The following EGLN1 variants were observed in gnomAD, a reference collection of about 807,000 sequenced individuals.
The protein encoded by EGLN1 is egl-9 family hypoxia inducible factor 1.
Under a neutral mutation model 38.3 loss-of-function variants are expected in EGLN1, and 17 were observed. The ratio of observed to expected loss-of-function variants is 0.44; its 90% confidence interval spans 0.30 to 0.67. EGLN1 has a LOEUF of 0.67. Ranked by LOEUF, EGLN1 falls within the 30% of genes least tolerant of loss-of-function variation. The pLI, the probability that EGLN1 is intolerant of heterozygous loss-of-function variation, is 0.08. For synonymous variants in EGLN1, 283 were observed against 257.5 expected (o/e 1.10, Z -0.95); for missense variants, 477 against 603.3 (o/e 0.79, Z 2.19).
intron 1 of EGLN1, among the ~76,000 whole-genome samples, chr1:231,398,483 T>C (rs938448121): frequency 2.6e-5 from 4 of 152,180 alleles, no homozygotes; most frequent in Non-Finnish European, 5.9e-5. Flanking sequence ...TTTTTGTAAA[T>C]AAAGTTTTAT....
chr1:231,415,092 G>A (rs1269870699), intron 1 of EGLN1, among the ~76,000 whole-genome samples: 3 of 151,886 alleles, frequency 2.0e-5, no homozygotes, highest in South Asian at 2.1e-4. Context: ...ACAACATAAC[G>A]AGATCCCGTC....
chr1:231,417,941 C>T (rs1318305366), intron 1 of EGLN1, among the ~76,000 whole-genome samples: 1 of 152,098 alleles, frequency 6.6e-6, no homozygotes, highest in African/African-American at 2.4e-5. Flanking sequence ...AATTTAAGTC[C>T]TAATATGCTG....
intron 1 of EGLN1, among the ~76,000 whole-genome samples, chr1:231,383,055 C>A (rs898156334): frequency 2.2e-5 from 1 of 45,284 alleles, no homozygotes; most frequent in Non-Finnish European, 3.9e-5. Context: ...GAAACTCTGT[C>A]TCAAAAAAAA....
chr1:231,366,485 A>G lies in EGLN1; in HGVS notation c.1217-10T>C. 2 of 1,056,118 alleles carry G rather than the reference A, an allele frequency of 1.9e-6. No homozygotes were observed. The highest frequency in any genetic ancestry group is 2.7e-5 in the Admixed American group (1 of 37,002). 65.4% of individuals were successfully genotyped at this position (1,056,118 alleles called of 1,614,324 possible). On this transcript the variant is annotated splice_polypyrimidine_tract_variant and intron_variant, in intron 4 of 4. Coordinates refer to ENST00000366641, the MANE Select transcript of EGLN1 (RefSeq NM_022051.3). ...CTCACACCTTTTTCACCTGCAAGGT[A>G]AAAAAAAAAAAAATTTTCATTCATT...
At chr1:231,417,918 G>C (rs1689126778) in intron 1 of EGLN1, among the ~76,000 whole-genome samples, 1 of 152,158 alleles carries the variant, frequency 6.6e-6, no homozygotes, top group South Asian at 2.1e-4. Context: ...CAGATTCTTA[G>C]TCAGAAAACC....
intron 1 of EGLN1, among the ~76,000 whole-genome samples, chr1:231,419,208 T>A (rs1388771831): frequency 6.6e-6 from 1 of 152,166 alleles, no homozygotes; most frequent in Non-Finnish European, 1.5e-5. Flanking sequence ...GTTACGTGAC[T>A]TAAAACCCCA....
chr1:231,384,494 C>A (rs2790889), intron 1 of EGLN1, among the ~76,000 whole-genome samples: 82,717 of 151,588 alleles, frequency 0.55, 24,175 homozygotes, highest in Middle Eastern at 0.66. Context: ...GAGAAGTTGA[C>A]ATTTAAGAAG....
intron 1 of EGLN1, among the ~76,000 whole-genome samples, chr1:231,407,239 C>T (rs1688823265): frequency 6.6e-6 from 1 of 152,130 alleles, no homozygotes; most frequent in Non-Finnish European, 1.5e-5. Flanking sequence ...AAAGCAACTG[C>T]TTCTCCCACG....
intron 1 of EGLN1, among the ~76,000 whole-genome samples, chr1:231,407,922 C>A (rs1688837136): frequency 6.6e-6 from 1 of 152,032 alleles, no homozygotes; most frequent in African/African-American, 2.4e-5. Context: ...AAAAGTCCCA[C>A]TACAGTTTTA....
At chr1:231,420,848 G>C (rs1243333387) in intron 1 of EGLN1, 150 bp downstream of exon 1, 4 of 1,496,928 alleles carry the variant, frequency 2.7e-6, no homozygotes, top group Non-Finnish European at 3.7e-6. Flanking sequence ...TACAAATTCT[G>C]TCCGTCTTCC....
chr1:231,399,185 G>A (rs1420914201), intron 1 of EGLN1, among the ~76,000 whole-genome samples: 2 of 152,236 alleles, frequency 1.3e-5, no homozygotes, highest in East Asian at 3.9e-4. Flanking sequence ...AAGACAGCAG[G>A]AGCAGCAGAT....
intron 1 of EGLN1, among the ~76,000 whole-genome samples, chr1:231,395,783 G>C (rs770042772): frequency 2.0e-5 from 3 of 152,162 alleles, no homozygotes; most frequent in Non-Finnish European, 2.9e-5. Context: ...CATTGCTTGG[G>C]AGGTTGTTGG....
At chr1:231,394,426 T>C (rs543436418) in intron 1 of EGLN1, among the ~76,000 whole-genome samples, 5 of 150,276 alleles carry the variant, frequency 3.3e-5, no homozygotes, top group African/African-American at 1.2e-4. Context: ...TTGCCCAGGT[T>C]GGAGTGCAGT....
intron 1 of EGLN1, among the ~76,000 whole-genome samples, chr1:231,387,581 G>A (rs1047127844): frequency 6.6e-6 from 1 of 152,010 alleles, no homozygotes; most frequent in South Asian, 2.1e-4. Flanking sequence ...GGATGGTCTC[G>A]ATCTCCTGAC....
intron 1 of EGLN1, among the ~76,000 whole-genome samples, chr1:231,407,865 A>T (rs1688835710): frequency 6.6e-6 from 1 of 152,098 alleles, no homozygotes; most frequent in Non-Finnish European, 1.5e-5. Flanking sequence ...GCAAGCAAAG[A>T]AAGGCGAGTT....
Position 231,366,319 on chromosome 1 carries a change from C to T in EGLN1, c.*92G>A. 2 of 1,408,346 alleles carry T rather than the reference C, an allele frequency of 1.4e-6. No individual in the cohort carries two copies. Among genetic ancestry groups the T allele is most frequent in the Non-Finnish European group, 2.0e-6 (2 of 1,001,112 alleles). The allele number at this position is 1,408,346 out of a possible 1,614,324, so 87.2% of individuals were successfully genotyped here. On this transcript the variant is annotated 3_prime_UTR_variant, in exon 5 of 5. Transcript: ENST00000366641. ...CCTTATTAAAATGCGAACTGGTTGT[C>T]TATTTTTCTTTATCCCATTTATTCG...
At position 231,418,692 on chromosome 1, in the gene EGLN1, T is replaced by C. The variant is rs114431626; in HGVS notation, c.891+2306A>G. 5.6e-3 allele frequency among the ~76,000 whole-genome samples: 846 copies of C among 152,174 alleles called. 11 individuals are homozygous for C. Among genetic ancestry groups the C allele is most frequent in the African/African-American group, 0.018 (741 of 41,506 alleles). On this transcript the variant is annotated intron_variant, in intron 1 of 4. Transcript: ENST00000366641. Reference sequence around the variant, plus strand: ...CAAATGATCAGCAAGACCCTGACTCTACAAAAAAAATTTTTTTTCATTTGG... The same window carrying C: ...CAAATGATCAGCAAGACCCTGACTCCACAAAAAAAATTTTTTTTCATTTGG...
chr1:231,364,480 G>C lies in EGLN1; in HGVS notation c.*1931C>G, dbSNP rs1308186835. 1 of 152,194 alleles carries C rather than the reference G, an allele frequency of 6.6e-6. No individual in the cohort carries two copies. Among genetic ancestry groups the C allele is most frequent in the African/African-American group, 2.4e-5 (1 of 41,454 alleles). The allele number at this position is 152,194 out of a possible 1,614,324, so 9.4% of individuals were successfully genotyped here. A position where few individuals can be genotyped will look rare whatever the true frequency, so the allele number is the denominator to read the frequency against. The stretch of plus-strand genomic sequence containing the variant: ...CATCTGGAAGGAAGGGGAGGAAGTA[G>C]AACAAAACTGAATATGGGCGAGGAA... On this transcript the variant is annotated 3_prime_UTR_variant, in exon 5 of 5. Transcript: ENST00000366641.
At position 231,365,364 on chromosome 1, in the gene EGLN1, G is replaced by A. The variant is rs1305020672; in HGVS notation, c.*1047C>T. On this transcript the variant is annotated 3_prime_UTR_variant, in exon 5 of 5. Transcript: ENST00000366641. ...AAGCTTAAGAAAGCCCTTATCTTAG[G>A]AACTTGAAGCTGAGGATAATCTCAA... 1.3e-5 allele frequency: 2 copies of A among 152,172 alleles called. No homozygotes were observed. Among genetic ancestry groups the A allele is most frequent in the Non-Finnish European group, 2.9e-5 (2 of 68,034 alleles). 9.4% of individuals were successfully genotyped at this position (152,172 alleles called of 1,614,324 possible). A position where few individuals can be genotyped will look rare whatever the true frequency, so the allele number is the denominator to read the frequency against.
Sources: allele counts gnomAD v4.1 joint callset (sites outside exome capture counted in the v4.1 genomes callset), GRCh38; gene constraint gnomAD v4.1.1; transcripts MANE v1.5; gene names NCBI Gene and HGNC (gene_info 2026-07-23, HGNC 2026-07-21).